The following TPRG1 variants were observed in gnomAD, a reference collection of about 807,000 sequenced individuals.
The protein encoded by TPRG1 is tumor protein p63-regulated gene 1 protein.
A neutral mutation model predicts 29.3 loss-of-function variants in TPRG1; 29 were observed. The observed-to-expected ratio is 0.99, with a 90% CI of 0.74 to 1.35. TPRG1 has a LOEUF of 1.35. Among genes scored for constraint, TPRG1 ranks in the 40% most tolerant of loss-of-function variants. The pLI is 0.00. For synonymous variants in TPRG1, 130 were observed against 116.8 expected, an observed-to-expected ratio of 1.11 and a Z score of -0.73; for missense variants, 327 against 335.0, an observed-to-expected ratio of 0.98 and a Z score of 0.19.
intron 1 of TPRG1, among the ~76,000 whole-genome samples, chr3:189,180,658 G>T (rs1018948356): frequency 3.3e-5 from 5 of 152,214 alleles, no homozygotes; most frequent in Admixed American, 6.5e-5. Flanking sequence ...TGGCTTTGCA[G>T]GGTACAGCCT....
intron 4 of TPRG1, among the ~76,000 whole-genome samples, chr3:189,049,500 C>T (rs572523920): frequency 6.6e-6 from 1 of 152,162 alleles, no homozygotes; most frequent in African/African-American, 2.4e-5. Flanking sequence ...AAGACTGGTC[C>T]GAGGAGAGTC....
At chr3:189,212,377 C>G (rs575679289) in intron 2 of TPRG1, among the ~76,000 whole-genome samples, 79 of 152,268 alleles carry the variant, frequency 5.2e-4, no homozygotes, top group South Asian at 1.7e-3. Flanking sequence ...CATACTCTCT[C>G]TCTTTCCCTC....
chr3:189,312,113 CTTTG>C (rs879493918), intron 5 of TPRG1, among the ~76,000 whole-genome samples: 3,850 of 72,532 alleles, frequency 0.053, 358 homozygotes, highest in African/African-American at 0.062. Flanking sequence ...TTGTTTCTTT[CTTTG>C]TTTCTTTCTT....
chr3:189,259,700 T>C (rs1315537003), intron 4 of TPRG1, among the ~76,000 whole-genome samples: 3 of 151,894 alleles, frequency 2.0e-5, no homozygotes, highest in Non-Finnish European at 2.9e-5. Flanking sequence ...AAACTCCTGA[T>C]CTCAAGTGAT....
chr3:189,064,115 A>G (rs1716284699), intron 4 of TPRG1, among the ~76,000 whole-genome samples: 3 of 152,158 alleles, frequency 2.0e-5, no homozygotes, highest in Admixed American at 2.0e-4. Flanking sequence ...GTCTAAGCCT[A>G]TAAGTTCACA....
At chr3:189,035,376 A>G (rs849005) in intron 4 of TPRG1, among the ~76,000 whole-genome samples, 152,067 of 152,294 alleles carry the variant, frequency 1, 75,923 homozygotes, top group Middle Eastern at 1. Flanking sequence ...ATCACCTTGG[A>G]AAATAATTTA....
chr3:189,028,250 C>T (rs1390676561), intron 4 of TPRG1, among the ~76,000 whole-genome samples: 1 of 152,182 alleles, frequency 6.6e-6, no homozygotes, highest in East Asian at 1.9e-4. Context: ...GTTCCCTGAC[C>T]GCATTCCAGT....
intron 4 of TPRG1, among the ~76,000 whole-genome samples, chr3:189,039,949 G>GC (rs1384380244): frequency 3.3e-5 from 5 of 151,846 alleles, no homozygotes; most frequent in Non-Finnish European, 5.9e-5. Context: ...CTACAAACAT[G>GC]CATTTCCTTA....
Position 189,241,027 on chromosome 3 carries a change from C to T in TPRG1, c.479+2118C>T, listed in dbSNP as rs76802544. Among the ~76,000 whole-genome samples, 724 of 152,110 alleles carry T rather than the reference C, an allele frequency of 4.8e-3. 5 individuals carry two copies. The highest frequency in any genetic ancestry group is 0.015 in the African/African-American group (637 of 41,486). ...CTCATTGATGTATATCTATTTTTAC[C>T]GTTGCTACTACAAAGTGCTGCTACA... On this transcript the variant is annotated intron_variant, in intron 4 of 5. Coordinates refer to ENST00000345063, the MANE Select transcript of TPRG1 (RefSeq NM_198485.4).
chr3:189,186,424 G>C (rs981770105), intron 1 of TPRG1, among the ~76,000 whole-genome samples: 2 of 152,040 alleles, frequency 1.3e-5, no homozygotes, highest in Non-Finnish European at 2.9e-5. Flanking sequence ...TTTCCTTGTT[G>C]AATTAAAACA....
chr3:189,324,180 C>A lies in TPRG1; in HGVS notation c.*3360C>A, dbSNP rs1480220931. On this transcript the variant is annotated 3_prime_UTR_variant, in exon 6 of 6. Coordinates refer to ENST00000345063, the MANE Select transcript of TPRG1 (RefSeq NM_198485.4). ...ATTTTTTATTCAGCCTTTGTTTAAACCTTCTTAGGAAGCCAGTTTGTAGAG... is the reference window on the plus strand; with the variant it reads ...ATTTTTTATTCAGCCTTTGTTTAAAACTTCTTAGGAAGCCAGTTTGTAGAG... 1 of 152,098 alleles carries A rather than the reference C, an allele frequency of 6.6e-6. No homozygotes were observed. The highest frequency in any genetic ancestry group is 1.5e-5 in the Non-Finnish European group (1 of 68,024). The allele number at this position is 152,098 out of a possible 1,614,324, so 9.4% of individuals were successfully genotyped here. A position where few individuals can be genotyped will look rare whatever the true frequency, so the allele number is the denominator to read the frequency against.
chr3:189,139,543 G>A (rs557044752), intron 3 of TPRG1, among the ~76,000 whole-genome samples: 9 of 152,184 alleles, frequency 5.9e-5, no homozygotes, highest in South Asian at 4.2e-4. Flanking sequence ...AGCCGAGCTC[G>A]TATTCATAAT....
intron 3 of TPRG1, among the ~76,000 whole-genome samples, chr3:189,005,478 G>GA (rs1272127994): frequency 6.6e-6 from 1 of 151,962 alleles, no homozygotes; most frequent in Non-Finnish European, 1.5e-5. Context: ...TTCAAATCAG[G>GA]AAAAAACTAT....
intron 3 of TPRG1, among the ~76,000 whole-genome samples, chr3:189,216,590 T>TA (rs1190810365): frequency 6.6e-6 from 1 of 152,196 alleles, no homozygotes; most frequent in Non-Finnish European, 1.5e-5. Flanking sequence ...ATAACGTTGG[T>TA]AAATTAGCAA....
At chr3:188,999,350 A>G (rs1274936665) in intron 1 of TPRG1, among the ~76,000 whole-genome samples, 2 of 152,190 alleles carry the variant, frequency 1.3e-5, no homozygotes, top group African/African-American at 4.8e-5. Context: ...AATACTATTC[A>G]TTGATCACAG....
intron 4 of TPRG1, among the ~76,000 whole-genome samples, chr3:189,286,659 A>G (rs1718107348): frequency 6.6e-6 from 1 of 152,090 alleles, no homozygotes; most frequent in Admixed American, 6.6e-5. Flanking sequence ...ACATAACCTC[A>G]GATTTGTAGG....
intron 4 of TPRG1, among the ~76,000 whole-genome samples, chr3:189,071,451 A>T (rs1362039073): frequency 6.6e-6 from 1 of 152,138 alleles, no homozygotes; most frequent in Non-Finnish European, 1.5e-5. Context: ...ATGCAGAGGT[A>T]TTTATCCACA....
chr3:189,286,257 A>C (rs543465341), intron 4 of TPRG1, among the ~76,000 whole-genome samples: 28 of 152,192 alleles, frequency 1.8e-4, no homozygotes, highest in African/African-American at 6.5e-4. Flanking sequence ...TATGAAAAAC[A>C]GGAACTTTCC....
chr3:189,062,643 A>C (rs1180007847), intron 4 of TPRG1, among the ~76,000 whole-genome samples: 1 of 152,098 alleles, frequency 6.6e-6, no homozygotes, highest in Non-Finnish European at 1.5e-5. Flanking sequence ...ATGGACCTAA[A>C]TTAAAGGGAG....
Sources: gnomAD v4.1 joint callset for allele counts (sites outside exome capture counted in the v4.1 genomes callset) on GRCh38, gnomAD v4.1.1 for gene constraint, MANE v1.5 for transcripts, NCBI Gene and HGNC (gene_info 2026-07-23, HGNC 2026-07-21) for gene names.